SLC35F1: variants seen among roughly 807,000 people sequenced by gnomAD.
SLC35F1 encodes chromosome 6 open reading frame 169.
SLC35F1 carries 14 observed loss-of-function variants against 48.7 expected under a neutral mutation model. The ratio of observed to expected loss-of-function variants is 0.29; its 90% confidence interval spans 0.19 to 0.45. The LOEUF is 0.45. Among genes scored for constraint, SLC35F1 ranks in the 20% least tolerant of loss-of-function variants. The pLI is 1.00. For synonymous variants in SLC35F1, 190 were observed against 202.2 expected (o/e 0.94, Z 0.51); for missense variants, 404 against 500.0 (o/e 0.81, Z 1.83).
At chr6:117,978,261 T>G (rs1776729264) in intron 1 of SLC35F1, among the ~76,000 whole-genome samples, 1 of 152,056 alleles carries the variant, frequency 6.6e-6, no homozygotes, top group South Asian at 2.1e-4. Flanking sequence ...GAAAGAATAT[T>G]CCTATGGAAA....
intron 2 of SLC35F1, among the ~76,000 whole-genome samples, chr6:118,180,069 T>G (rs1774551071): frequency 6.6e-6 from 1 of 152,106 alleles, no homozygotes; most frequent in African/African-American, 2.4e-5. Flanking sequence ...GATAGCAAAA[T>G]AAATAGGAAA....
chr6:118,251,058 C>A (rs568042511), intron 3 of SLC35F1, among the ~76,000 whole-genome samples: 1 of 152,098 alleles, frequency 6.6e-6, no homozygotes, highest in African/African-American at 2.4e-5. Context: ...GAGGCCGAGG[C>A]GGGCAGGTCG....
chr6:118,052,868 T>C (rs933413344), intron 1 of SLC35F1, among the ~76,000 whole-genome samples: 4 of 152,206 alleles, frequency 2.6e-5, no homozygotes, highest in African/African-American at 9.6e-5. Flanking sequence ...TATTGTGTAA[T>C]TGCAATGGGG....
intron 1 of SLC35F1, among the ~76,000 whole-genome samples, chr6:117,961,226 C>T (rs1473106594): frequency 6.6e-6 from 1 of 152,094 alleles, no homozygotes; most frequent in African/African-American, 2.4e-5. Context: ...ACAGCTGAAT[C>T]GCCATGAATG....
intron 1 of SLC35F1, among the ~76,000 whole-genome samples, chr6:118,080,165 G>C (rs1772884879): frequency 6.6e-6 from 1 of 152,176 alleles, no homozygotes; most frequent in South Asian, 2.1e-4. Context: ...CATCAATTCA[G>C]TAAGTGGGGA....
chr6:118,116,817 A>G (rs1773481980), intron 1 of SLC35F1, among the ~76,000 whole-genome samples: 1 of 152,168 alleles, frequency 6.6e-6, no homozygotes, highest in African/African-American at 2.4e-5. Context: ...GAAACTGCAG[A>G]TAGGAGACCA....
chr6:118,288,883 A>G (rs1424199067), intron 7 of SLC35F1, among the ~76,000 whole-genome samples: 1 of 152,162 alleles, frequency 6.6e-6, no homozygotes, highest in African/African-American at 2.4e-5. Context: ...AAACTGCAGT[A>G]CAAAAAAACC....
At chr6:118,268,826 T>C (rs1562345632) in intron 4 of SLC35F1, among the ~76,000 whole-genome samples, 3 of 151,942 alleles carry the variant, frequency 2.0e-5, no homozygotes. Context: ...ACCAGGCTAG[T>C]CTTGAACTCC....
intron 2 of SLC35F1, among the ~76,000 whole-genome samples, chr6:118,208,059 C>T (rs959080057): frequency 1.3e-5 from 2 of 149,158 alleles, no homozygotes; most frequent in African/African-American, 4.9e-5. Flanking sequence ...GAGCCCCCCT[C>T]CTCTCTCTCT....
intron 1 of SLC35F1, among the ~76,000 whole-genome samples, chr6:118,077,245 G>C (rs1351608920): frequency 6.6e-6 from 1 of 152,206 alleles, no homozygotes; most frequent in Non-Finnish European, 1.5e-5. Flanking sequence ...GGGCTGCTGG[G>C]GAGAGGCTCT....
At chr6:118,107,530 C>T (rs1477686811) in intron 1 of SLC35F1, among the ~76,000 whole-genome samples, 2 of 152,180 alleles carry the variant, frequency 1.3e-5, no homozygotes, top group South Asian at 2.1e-4. Flanking sequence ...GTCCAACAAA[C>T]CTAGAAAAAT....
chr6:118,035,633 CAACAA>C (rs927675477), intron 1 of SLC35F1, among the ~76,000 whole-genome samples: 10 of 145,780 alleles, frequency 6.9e-5, no homozygotes, highest in Non-Finnish European at 1.4e-4. Flanking sequence ...AAAACAACAA[CAACAA>C]AACAAAACAA....
At chr6:118,077,973 T>C (rs957324238) in intron 1 of SLC35F1, among the ~76,000 whole-genome samples, 2 of 152,178 alleles carry the variant, frequency 1.3e-5, no homozygotes, top group East Asian at 1.9e-4. Context: ...TCAATTTAAG[T>C]TCTACCTTTT....
At chr6:118,253,834 G>A (rs902466321) in intron 3 of SLC35F1, among the ~76,000 whole-genome samples, 1 of 152,154 alleles carries the variant, frequency 6.6e-6, no homozygotes, top group East Asian at 1.9e-4. Flanking sequence ...CTTGAGGAAT[G>A]AATGGAACCA....
chr6:118,055,429 C>G (rs1476256595), intron 1 of SLC35F1, among the ~76,000 whole-genome samples: 1 of 152,112 alleles, frequency 6.6e-6, no homozygotes, highest in Non-Finnish European at 1.5e-5. Flanking sequence ...AGAAAAGCCT[C>G]TTTCTTGGCC....
At chr6:118,146,713 T>C (rs1303797144) in intron 1 of SLC35F1, among the ~76,000 whole-genome samples, 1 of 152,146 alleles carries the variant, frequency 6.6e-6, no homozygotes, top group Non-Finnish European at 1.5e-5. Flanking sequence ...GGGCCAAGCA[T>C]TCCTTTCTCA....
intron 1 of SLC35F1, among the ~76,000 whole-genome samples, chr6:118,038,663 C>T (rs1772168407): frequency 6.6e-6 from 1 of 151,750 alleles, no homozygotes; most frequent in African/African-American, 2.4e-5. Flanking sequence ...GAACTGTTGC[C>T]CAGGCTGGAG....
intron 1 of SLC35F1, among the ~76,000 whole-genome samples, chr6:118,051,147 T>A (rs1772384515): frequency 6.6e-6 from 1 of 152,208 alleles, no homozygotes; most frequent in Non-Finnish European, 1.5e-5. Flanking sequence ...ATTTGAAATT[T>A]ACTTCAAAGT....
At chr6:118,018,959 A>C (rs998076246) in intron 1 of SLC35F1, among the ~76,000 whole-genome samples, 4 of 152,198 alleles carry the variant, frequency 2.6e-5, no homozygotes. Flanking sequence ...GACTGTCAGA[A>C]TAGACTGAAA....
Sources: gnomAD v4.1 joint callset for allele counts (sites outside exome capture counted in the v4.1 genomes callset) on GRCh38, gnomAD v4.1.1 for gene constraint, MANE v1.5 for transcripts, NCBI Gene and HGNC (gene_info 2026-07-23, HGNC 2026-07-21) for gene names.